The following SMC5 variants were observed in gnomAD, a reference collection of about 807,000 sequenced individuals.
SMC5 encodes structural maintenance of chromosomes protein 5.
A neutral mutation model predicts 148.3 loss-of-function variants in SMC5; 88 were observed. The ratio of observed to expected loss-of-function variants is 0.59; its 90% CI spans 0.50 to 0.71. The LOEUF (loss-of-function observed/expected upper bound fraction) is 0.71. Ranked by LOEUF, SMC5 falls within the 30% of genes least tolerant of loss-of-function variation. SMC5 has a pLI of 0.00. For synonymous variants in SMC5, 421 were observed against 432.8 expected (o/e 0.97, Z 0.34); for missense variants, 1,142 against 1,298.9 (o/e 0.88, Z 1.86).
intron 2 of SMC5, 55 bp downstream of exon 2, chr9:70,264,500 T>G (rs2034222207): frequency 6.3e-7 from 1 of 1,577,698 alleles, no homozygotes; most frequent in Non-Finnish European, 8.7e-7. Context: ...TTGCTTTTAG[T>G]AACATCAATT....
At chr9:70,277,736 A>G (rs2034631800) in intron 4 of SMC5, among the ~76,000 whole-genome samples, 1 of 152,092 alleles carries the variant, frequency 6.6e-6, no homozygotes, top group South Asian at 2.1e-4. Context: ...TCAGATAGCT[A>G]TGTGCTTCTA....
At chr9:70,311,246 T>C (rs2035649201) in intron 11 of SMC5, 1 of 152,148 alleles carries the variant, frequency 6.6e-6, no homozygotes, top group Non-Finnish European at 1.5e-5. Flanking sequence ...ACTTAGAGGC[T>C]ATTGTAGGGT....
intron 17 of SMC5, among the ~76,000 whole-genome samples, chr9:70,343,239 C>G (rs1309476522): frequency 6.6e-6 from 1 of 151,742 alleles, no homozygotes; most frequent in African/African-American, 2.4e-5. Context: ...AGCACCTAGC[C>G]AAGGGCCCAG....
intron 3 of SMC5, among the ~76,000 whole-genome samples, chr9:70,271,891 C>T (rs541290900): frequency 2.0e-4 from 31 of 152,204 alleles, no homozygotes; most frequent in Non-Finnish European, 3.4e-4. Context: ...AGATAAGCTG[C>T]GAAAATATCA....
intron 19 of SMC5, 39 bp from the exon 20 acceptor site, chr9:70,347,025 GTT>G: frequency 1.4e-6 from 2 of 1,444,980 alleles, no homozygotes; most frequent in Non-Finnish European, 1.9e-6. Context: ...GAATGGAACT[GTT>G]TTCATTGTAT....
chr9:70,316,980 C>T (rs1412839278), intron 13 of SMC5, among the ~76,000 whole-genome samples: 2 of 151,832 alleles, frequency 1.3e-5, no homozygotes, highest in African/African-American at 2.4e-5. Context: ...TATCAAATAC[C>T]TTACTGTCCC....
chr9:70,318,461 T>G, intron 13 of SMC5, 53 bp from the exon 14 acceptor site: 1 of 1,341,616 alleles, frequency 7.5e-7, no homozygotes, highest in South Asian at 1.8e-5. Flanking sequence ...ATTTAGTACT[T>G]TAAAACATAT....
At position 70,309,318 on chromosome 9, in the gene SMC5, C is replaced by CTTT. The variant is rs59694037; in HGVS notation, c.1578+3987_1578+3989dup. ...ATAGCAGAATTTCTTTTTCCTTTTC[C>CTTT]TTTTTTTTTTTTTTTTTTTTTTTTT... On this transcript the variant is annotated intron_variant, in intron 11 of 24. Coordinates refer to ENST00000361138, the MANE Select transcript of SMC5 (RefSeq NM_015110.4). 3.3e-3 allele frequency among the ~76,000 whole-genome samples: 264 copies of CTTT among 79,134 alleles called. 17 individuals are homozygous for CTTT. Among genetic ancestry groups the CTTT allele is most frequent in the African/African-American group, 8.4e-3 (183 of 21,860 alleles). 51.9% of individuals were successfully genotyped at this position (79,134 alleles called of 152,430 possible). A position where few individuals can be genotyped will look rare whatever the true frequency, so the allele number is the denominator to read the frequency against.
intron 17 of SMC5, among the ~76,000 whole-genome samples, chr9:70,333,240 G>A (rs534285667): frequency 3.3e-5 from 5 of 152,188 alleles, no homozygotes; most frequent in South Asian, 4.1e-4. Flanking sequence ...AATTCATTGC[G>A]GCCCCACCTA....
At chr9:70,276,202 C>T (rs1486408065) in intron 3 of SMC5, among the ~76,000 whole-genome samples, 1 of 152,198 alleles carries the variant, frequency 6.6e-6, no homozygotes, top group Non-Finnish European at 1.5e-5. Context: ...GGGTATATCG[C>T]TTAGATATGG....
At chr9:70,286,389 T>G in intron 8 of SMC5, 118 bp downstream of exon 8, 1 of 631,976 alleles carries the variant, frequency 1.6e-6, no homozygotes, top group Non-Finnish European at 2.8e-6. Flanking sequence ...GCATTCTCTA[T>G]TTCTTAATCC....
At chr9:70,322,158 C>A (rs982899742) in intron 15 of SMC5, among the ~76,000 whole-genome samples, 7 of 151,504 alleles carry the variant, frequency 4.6e-5, no homozygotes, top group African/African-American at 1.5e-4. Flanking sequence ...GGTAATGTGC[C>A]TTGGTTGTTT....
intron 8 of SMC5, among the ~76,000 whole-genome samples, chr9:70,286,580 G>A (rs1441889097): frequency 2.6e-5 from 4 of 152,118 alleles, no homozygotes; most frequent in African/African-American, 7.2e-5. Flanking sequence ...GATTTATTCT[G>A]TTGTTGTTTA....
Position 70,353,768 on chromosome 9 carries a change from T to C in SMC5, c.*1437T>C, listed in dbSNP as rs960789306. 3 of 152,360 alleles carry C rather than the reference T, an allele frequency of 2.0e-5. No homozygotes were observed. Among genetic ancestry groups the C allele is most frequent in the African/African-American group, 4.8e-5 (2 of 41,590 alleles). 9.4% of individuals were successfully genotyped at this position (152,360 alleles called of 1,614,324 possible). A position where few individuals can be genotyped will look rare whatever the true frequency, so the allele number is the denominator to read the frequency against. On this transcript the variant is annotated 3_prime_UTR_variant, in exon 25 of 25. Transcript: ENST00000361138. ...CTCCAGTGCATGAAGTGTGAAAATA[T>C]TTTAAAATGACATTTTTACTAATAT...
At chr9:70,328,638 T>G (rs1008933803) in intron 17 of SMC5, among the ~76,000 whole-genome samples, 1 of 152,190 alleles carries the variant, frequency 6.6e-6, no homozygotes, top group Non-Finnish European at 1.5e-5. Context: ...TGCCTGCAGC[T>G]TTTCTTGGCA....
chr9:70,274,372 C>T (rs1299791106), intron 3 of SMC5, among the ~76,000 whole-genome samples: 2 of 152,160 alleles, frequency 1.3e-5, no homozygotes, highest in African/African-American at 4.8e-5. Context: ...TGAGCCACTG[C>T]GCCCGGCCGT....
intron 21 of SMC5, 37 bp downstream of exon 21, chr9:70,347,754 T>G (rs1320807310): frequency 4.4e-6 from 6 of 1,351,900 alleles, no homozygotes; most frequent in Non-Finnish European, 6.1e-6. Flanking sequence ...ATCATGTGAT[T>G]ATTAATGAAA....
chr9:70,298,091 C>G lies in SMC5; in HGVS notation c.1179C>G (p.Cys393Trp), dbSNP rs749608121. 2.1e-5 allele frequency: 34 copies of G among 1,613,818 alleles called. No individual in the cohort carries two copies. The highest frequency in any genetic ancestry group is 2.8e-5 in the Non-Finnish European group (33 of 1,179,932). The change falls in exon 9 of 25, where the codon TGC (cysteine) becomes TGG (tryptophan). Residue 393 changes from cysteine (C) to tryptophan (W), a missense_variant. Cys to Trp is a radical substitution (Grantham distance 215, BLOSUM62 -2). Transcript: ENST00000361138. The stretch of plus-strand genomic sequence containing the variant: ...ATGAACTAAAGACCACGGAAAACTG[C>G]GAGAATCTTCAGCCCCAGATTGATG... ...LQNELKTTEN[C>W]ENLQPQIDAI...
At chr9:70,298,744 A>G (rs1026696801) in intron 9 of SMC5, among the ~76,000 whole-genome samples, 4 of 151,886 alleles carry the variant, frequency 2.6e-5, no homozygotes, top group African/African-American at 2.4e-5. Flanking sequence ...CAAAAAAAAA[A>G]AAGAAGAAGA....
Sources: gnomAD v4.1 joint callset for allele counts (sites outside exome capture counted in the v4.1 genomes callset) on GRCh38, gnomAD v4.1.1 for gene constraint, MANE v1.5 for transcripts, NCBI Gene and HGNC (gene_info 2026-07-23, HGNC 2026-07-21) for gene names.